The following MED12L variants were observed in gnomAD, a reference collection of about 807,000 sequenced individuals.
MED12L encodes the protein mediator complex subunit 12L.
A neutral mutation model predicts 281.3 loss-of-function variants in MED12L; 60 were observed. The ratio of observed to expected loss-of-function variants is 0.21; its 90% CI spans 0.17 to 0.26. The LOEUF (loss-of-function observed/expected upper bound fraction) is 0.26. MED12L is among the 10% of genes least tolerant of loss of function. The pLI, the probability that MED12L is intolerant of heterozygous loss-of-function variation, is 1.00. For missense variants in MED12L, 2,146 were observed against 2,680.9 expected (o/e 0.80, Z 4.41); for synonymous variants, 974 against 987.2 (o/e 0.99, Z 0.25).
rs751825456 is a variant in MED12L at position 151,294,836 on chromosome 3, A to G, written c.2251-55223A>G. ...CTTGACCACCTTCAGATAGCGATCA[A>G]TGCTTATCAGCCCAAGGAACACGAT... On this transcript the variant is annotated intron_variant, in intron 16 of 44. Transcript: ENST00000687756. 1.4e-5 allele frequency: 23 copies of G among 1,614,062 alleles called. No homozygotes were observed. Among genetic ancestry groups the G allele is most frequent in the Middle Eastern group, 1.6e-4 (1 of 6,084 alleles).
chr3:151,316,327 A>C (rs1047119920), intron 16 of MED12L: 1 of 152,164 alleles, frequency 6.6e-6, no homozygotes, highest in African/African-American at 2.4e-5. Context: ...TTAAAAAAAA[A>C]TGTACTAAAT....
chr3:151,187,338 T>C (rs1452267274), intron 12 of MED12L, among the ~76,000 whole-genome samples: 1 of 152,192 alleles, frequency 6.6e-6, no homozygotes, highest in African/African-American at 2.4e-5. Context: ...ATTCCAGACA[T>C]ACAAACATAC....
intron 16 of MED12L, among the ~76,000 whole-genome samples, chr3:151,231,697 G>A (rs1286313846): frequency 1.3e-5 from 2 of 152,174 alleles, no homozygotes; most frequent in Non-Finnish European, 2.9e-5. Context: ...ATTGTTGGCT[G>A]GAGGGAATAG....
intron 2 of MED12L, among the ~76,000 whole-genome samples, chr3:151,091,372 C>T (rs1293883052): frequency 2.6e-5 from 4 of 152,210 alleles, no homozygotes; most frequent in Admixed American, 1.3e-4. Context: ...AAACAGATTG[C>T]TGGGTCTCTA....
rs138154187 is a variant in MED12L at position 151,171,293 on chromosome 3, CTT to C, written c.1494+5313_1494+5314del. ...GAGCAGCTGGAGGAGGAGTTGCTCT[CTT>C]TGCTTTTCAGAGGCCTCAGACCACT... On this transcript the variant is annotated intron_variant, in intron 11 of 44. Transcript: ENST00000687756. 1.2e-3 allele frequency among the ~76,000 whole-genome samples: 181 copies of C among 152,234 alleles called. 3 individuals carry two copies. In the East Asian group the frequency reaches 0.029, roughly 25 times the overall value.
chr3:151,185,516 T>G (rs1024293403), intron 12 of MED12L, 55 bp downstream of exon 12: 3 of 1,588,718 alleles, frequency 1.9e-6, no homozygotes, highest in Non-Finnish European at 2.6e-6. Flanking sequence ...AATACTGTTT[T>G]GGGGAAGATC....
chr3:151,221,009 G>C (rs1729232497), intron 16 of MED12L, among the ~76,000 whole-genome samples: 1 of 152,168 alleles, frequency 6.6e-6, no homozygotes, highest in East Asian at 1.9e-4. Flanking sequence ...ATAGTGATAT[G>C]GACGATAAAG....
intron 11 of MED12L, among the ~76,000 whole-genome samples, chr3:151,180,886 ATTGT>A (rs1332857738): frequency 1.3e-5 from 2 of 152,214 alleles, no homozygotes; most frequent in African/African-American, 4.8e-5. Flanking sequence ...ATTTCACTAC[ATTGT>A]TTAACATGTA....
rs931850375 is a variant in MED12L, at chr3:151,435,643, A to ATGTT, written c.*2842_*2845dup. 109 of 151,486 alleles carry ATGTT rather than the reference A, an allele frequency of 7.2e-4. No homozygotes were observed. Among genetic ancestry groups the ATGTT allele is most frequent in the African/African-American group, 2.4e-3 (99 of 41,360 alleles). 9.4% of individuals were successfully genotyped at this position (151,486 alleles called of 1,614,324 possible). A position where few individuals can be genotyped will look rare whatever the true frequency, so the allele number is the denominator to read the frequency against. On this transcript the variant is annotated 3_prime_UTR_variant, in exon 45 of 45. Coordinates refer to ENST00000687756, the MANE Select transcript of MED12L (RefSeq NM_001393769.1). ...TAATTCTTAAGTAAGTACTAGGTGA[A>ATGTT]TGTTTGAATAGATGCTGGAGAAATT...
intron 16 of MED12L, chr3:151,294,630 C>T (rs1744811288): frequency 1.2e-6 from 2 of 1,614,114 alleles, no homozygotes; most frequent in Non-Finnish European, 1.7e-6. Context: ...TAGGTGACTG[C>T]CGTATGCCAT....
At chr3:151,235,861 G>A (rs553937516) in intron 16 of MED12L, among the ~76,000 whole-genome samples, 1 of 152,066 alleles carries the variant, frequency 6.6e-6, no homozygotes, top group East Asian at 1.9e-4. Context: ...TCCTGTTCAT[G>A]GCATCTAACA....
At chr3:151,381,149 GA>G (rs981632925) in intron 32 of MED12L, among the ~76,000 whole-genome samples, 1 of 152,202 alleles carries the variant, frequency 6.6e-6, no homozygotes, top group African/African-American at 2.4e-5. Flanking sequence ...TTGGTCTTAT[GA>G]GGTGTTTTAT....
At chr3:151,359,464 C>A (rs916884621) in intron 20 of MED12L, among the ~76,000 whole-genome samples, 2 of 152,082 alleles carry the variant, frequency 1.3e-5, no homozygotes, top group Non-Finnish European at 2.9e-5. Context: ...TTGGTTCCAC[C>A]TATGGTACCT....
Position 151,429,254 on chromosome 3 carries a change from C to A in MED12L, c.6409-1045C>A, listed in dbSNP as rs375928850. ...GCTCCCTCCCAGCCTCACTGTGCTC[C>A]TATGCTCCAGTCTCCTGGGAGCACC... On this transcript the variant is annotated intron_variant, in intron 43 of 44. Coordinates refer to ENST00000687756, the MANE Select transcript of MED12L (RefSeq NM_001393769.1). Among the ~76,000 whole-genome samples, 10 of 152,330 alleles carry A rather than the reference C, an allele frequency of 6.6e-5. No individual in the cohort carries two copies. In the South Asian group the frequency reaches 2.1e-3, roughly 32 times the overall value.
chr3:151,182,210 C>T (rs369206647), intron 11 of MED12L, among the ~76,000 whole-genome samples: 95 of 152,074 alleles, frequency 6.2e-4, no homozygotes, highest in Non-Finnish European at 8.5e-4. Flanking sequence ...AACAGTGCTT[C>T]CTTATTTTAC....
intron 16 of MED12L, among the ~76,000 whole-genome samples, chr3:151,296,313 AGCCATGGACATGG>A (rs1399481218): frequency 1.4e-4 from 22 of 152,298 alleles, no homozygotes; most frequent in Non-Finnish European, 2.2e-4. Flanking sequence ...CTTATGTGGC[AGCCATGGACATGG>A]GCCTCTCATG....
chr3:151,206,150 A>G (rs1203724086), intron 16 of MED12L, among the ~76,000 whole-genome samples: 1 of 141,938 alleles, frequency 7.0e-6, no homozygotes, highest in Admixed American at 7.5e-5. Flanking sequence ...GTGCTCTGAG[A>G]TTGGTAGCTT....
At position 151,338,289 on chromosome 3, in the gene MED12L, C is replaced by G. The variant is rs761286961; in HGVS notation, c.2251-11770C>G. ...ACAGATGTAATTTACTATTTCATGC[C>G]AGACTAGACCGAACTCTGATTTAAG... On this transcript the variant is annotated intron_variant, in intron 16 of 44. Coordinates refer to ENST00000687756, the MANE Select transcript of MED12L (RefSeq NM_001393769.1). The G allele has an allele frequency of 4.3e-6, 7 of 1,613,880 alleles. No individual in the cohort carries two copies. The Admixed American group carries it at 1.2e-4, about 27-fold the overall frequency.
At chr3:151,235,028 C>T (rs926303286) in intron 16 of MED12L, among the ~76,000 whole-genome samples, 7 of 152,130 alleles carry the variant, frequency 4.6e-5, no homozygotes, top group African/African-American at 7.2e-5. Flanking sequence ...TTTTTGTATG[C>T]GGTGGAGGTT....
Sources: gnomAD v4.1 joint callset for allele counts (sites outside exome capture counted in the v4.1 genomes callset) on GRCh38, gnomAD v4.1.1 for gene constraint, MANE v1.5 for transcripts, NCBI Gene and HGNC (gene_info 2026-07-23, HGNC 2026-07-21) for gene names.